The following SKAP1 variants were observed in gnomAD, a reference collection of about 807,000 sequenced individuals.
SKAP1 encodes src kinase associated phosphoprotein 1.
SKAP1 carries 44 observed loss-of-function variants against 58.5 expected under a neutral mutation model. The ratio of observed to expected loss-of-function variants is 0.75; its 90% CI spans 0.59 to 0.97. The LOEUF is 0.97. SKAP1 is among the 50% of genes least tolerant of loss of function. The probability of loss-of-function intolerance (pLI) is 0.00; values close to 1 mark genes in which losing one functional copy is unlikely to be tolerated. For synonymous variants in SKAP1, 127 were observed against 149.7 expected, an observed-to-expected ratio of 0.85 and a Z score of 1.11; for missense variants, 390 against 435.2, an observed-to-expected ratio of 0.90 and a Z score of 0.92.
chr17:48,205,468 G>A (rs1465565153), intron 4 of SKAP1, among the ~76,000 whole-genome samples: 1 of 151,946 alleles, frequency 6.6e-6, no homozygotes, highest in Non-Finnish European at 1.5e-5. Context: ...AAGATAAAAA[G>A]TATTAGAACA....
chr17:48,366,184 T>C (rs1372943861), intron 2 of SKAP1, among the ~76,000 whole-genome samples: 1 of 152,184 alleles, frequency 6.6e-6, no homozygotes, highest in Non-Finnish European at 1.5e-5. Flanking sequence ...GTTATTTCTT[T>C]AGTGTGTGAC....
chr17:48,364,431 C>A (rs1172069888), intron 2 of SKAP1, among the ~76,000 whole-genome samples: 1 of 152,186 alleles, frequency 6.6e-6, no homozygotes, highest in Non-Finnish European at 1.5e-5. Flanking sequence ...AATCCCAGCA[C>A]TTTGGGAGGC....
chr17:48,286,485 A>AT (rs1598512702), intron 4 of SKAP1, among the ~76,000 whole-genome samples: 1 of 152,218 alleles, frequency 6.6e-6, no homozygotes, highest in African/African-American at 2.4e-5. Flanking sequence ...TAAAATTGCA[A>AT]TTTTCTATAA....
At chr17:48,218,758 T>C (rs147859727) in intron 4 of SKAP1, among the ~76,000 whole-genome samples, 74 of 152,316 alleles carry the variant, frequency 4.9e-4, no homozygotes, top group African/African-American at 1.8e-3. Context: ...AGGCAATCAA[T>C]ACTTGGGCCT....
At chr17:48,340,708 C>T (rs559714562) in intron 4 of SKAP1, among the ~76,000 whole-genome samples, 23 of 151,850 alleles carry the variant, frequency 1.5e-4, no homozygotes, top group African/African-American at 2.2e-4. Context: ...AAAACTAGAA[C>T]GTAAACACAA....
intron 4 of SKAP1, among the ~76,000 whole-genome samples, chr17:48,328,211 G>A (rs1667001905): frequency 6.6e-6 from 1 of 152,198 alleles, no homozygotes; most frequent in Non-Finnish European, 1.5e-5. Context: ...AGGGTTAAAT[G>A]TGGTGATGCA....
chr17:48,163,061 A>G (rs2064090693), intron 10 of SKAP1, among the ~76,000 whole-genome samples: 1 of 152,220 alleles, frequency 6.6e-6, no homozygotes, highest in Non-Finnish European at 1.5e-5. Flanking sequence ...GTCCATAGGA[A>G]CTTTGTCCTG....
rs191599940 is a variant in SKAP1 at position 48,157,943 on chromosome 17, C to T, written c.978+4526G>A. Among the ~76,000 whole-genome samples the T allele has an allele frequency of 2.4e-3, 368 of 150,212 alleles. 7 individuals carry two copies. Among genetic ancestry groups the T allele is most frequent in the African/African-American group, 8.1e-3 (333 of 40,894 alleles). ...CTGTAATCCCAACACTTTAGGAGGC[C>T]GAGGTGGGTGGATCACCTGAGGTCA... On this transcript the variant is annotated intron_variant, in intron 11 of 12. Coordinates refer to ENST00000336915, the MANE Select transcript of SKAP1 (RefSeq NM_003726.4).
At chr17:48,227,800 C>A (rs138321888) in intron 4 of SKAP1, among the ~76,000 whole-genome samples, 2 of 152,156 alleles carry the variant, frequency 1.3e-5, no homozygotes, top group Admixed American at 6.5e-5. Flanking sequence ...AGGTTCCAAC[C>A]CTTACCAGCT....
upstream of SKAP1, among the ~76,000 whole-genome samples, chr17:48,433,562 C>T (rs988857701): frequency 2.6e-5 from 4 of 152,180 alleles, no homozygotes; most frequent in African/African-American, 9.7e-5. Context: ...CTGCCTGCCC[C>T]TTAAAGACAA....
the SKAP1 span, among the ~76,000 whole-genome samples, chr17:48,436,331 CAA>C: frequency 6.6e-6 from 1 of 152,218 alleles, no homozygotes; most frequent in African/African-American, 2.4e-5. Flanking sequence ...CTCGGCCTCC[CAA>C]AGTGCTGGGA....
chr17:48,349,102 T>C (rs183656976), intron 3 of SKAP1, among the ~76,000 whole-genome samples: 42 of 152,284 alleles, frequency 2.8e-4, no homozygotes, highest in Non-Finnish European at 5.6e-4. Flanking sequence ...AAATATACAC[T>C]CCCATGTAAT....
At position 48,252,355 on chromosome 17, in the gene SKAP1, A is replaced by G. The variant is rs568663924; in HGVS notation, c.281-62855T>C. On this transcript the variant is annotated intron_variant, in intron 4 of 12. Coordinates refer to ENST00000336915, the MANE Select transcript of SKAP1 (RefSeq NM_003726.4). ...TTCTCACTCAGTAGCACTTCTTGAG[A>G]CCAAAAGTCAGATAAAGAGATAGTA... Among the ~76,000 whole-genome samples the G allele has an allele frequency of 9.8e-5, 15 of 152,314 alleles. No homozygotes were observed. In the East Asian group the frequency reaches 2.9e-3, roughly 29 times the overall value.
chr17:48,276,197 T>C (rs1379296219), intron 4 of SKAP1, among the ~76,000 whole-genome samples: 1 of 152,224 alleles, frequency 6.6e-6, no homozygotes, highest in Non-Finnish European at 1.5e-5. Context: ...TATTCTCCAA[T>C]GTGCCAAGAA....
chr17:48,356,742 T>A (rs1193027079), intron 3 of SKAP1, among the ~76,000 whole-genome samples: 1 of 152,242 alleles, frequency 6.6e-6, no homozygotes, highest in East Asian at 1.9e-4. Flanking sequence ...AAATAATACA[T>A]GCACATGGTG....
intron 4 of SKAP1, among the ~76,000 whole-genome samples, chr17:48,239,724 C>T (rs1026799597): frequency 6.6e-6 from 1 of 152,112 alleles, no homozygotes; most frequent in Non-Finnish European, 1.5e-5. Context: ...GAATCCTACT[C>T]ACTGGTGACA....
At chr17:48,161,904 T>C (rs748930021) in intron 11 of SKAP1, among the ~76,000 whole-genome samples, 3 of 152,224 alleles carry the variant, frequency 2.0e-5, no homozygotes, top group Non-Finnish European at 2.9e-5. Flanking sequence ...TAAATTTTGA[T>C]TGGCATGGTT....
chr17:48,162,472 G>C lies in SKAP1; in HGVS notation c.975C>G (p.Ser325Arg). Residue 325 changes from serine to arginine, a missense_variant, in exon 11 of 13, where the codon AGC becomes AGG. Transcript: ENST00000336915. The part of the protein sequence containing the change: ...FQRGDLIRIL[S>R]KEYNMYGWWV... ...GCCCCACACTTTCTGTCCTTACCTT[G>C]CTCAGAATACGGATGAGGTCACCCC... The C allele has an allele frequency of 6.2e-7, 1 of 1,611,774 alleles. No homozygotes were observed. Among genetic ancestry groups the C allele is most frequent in the South Asian group, 1.1e-5 (1 of 90,866 alleles).
chr17:48,411,677 C>T lies in SKAP1; in HGVS notation c.47-14892G>A, dbSNP rs185669172. Among the ~76,000 whole-genome samples, 76 of 152,264 alleles carry T rather than the reference C, an allele frequency of 5.0e-4. 1 individual carries two copies. The highest frequency in any genetic ancestry group is 1.3e-3 in the Admixed American group (20 of 15,294). ...AACAGTCATAATCATGCTGATAGCA[C>T]GTACACTTGACATGATGGGACGAAA... On this transcript the variant is annotated intron_variant, in intron 1 of 12. Coordinates refer to ENST00000336915, the MANE Select transcript of SKAP1 (RefSeq NM_003726.4).
Sources: allele counts gnomAD v4.1 joint callset (sites outside exome capture counted in the v4.1 genomes callset), GRCh38; gene constraint gnomAD v4.1.1; transcripts MANE v1.5; gene names NCBI Gene and HGNC (gene_info 2026-07-23, HGNC 2026-07-21).